The following RIDA variants were observed in gnomAD, a reference collection of about 807,000 sequenced individuals.
RIDA encodes reactive intermediate imine deaminase A.
A neutral mutation model predicts 17.8 loss-of-function variants in RIDA; 17 were observed. The ratio of observed to expected loss-of-function variants is 0.96; its 90% confidence interval spans 0.65 to 1.43. The LOEUF is 1.43. Among genes scored for constraint, RIDA ranks in the 40% most tolerant of loss-of-function variants. RIDA has a pLI of 0.00. For synonymous variants in RIDA, 48 were observed against 55.7 expected, an observed-to-expected ratio of 0.86 and a Z score of 0.62; for missense variants, 158 against 161.7, an observed-to-expected ratio of 0.98 and a Z score of 0.12.
At chr8:98,108,558 A>C in intron 2 of RIDA, 88 bp downstream of exon 2, 6 of 838,936 alleles carry the variant, frequency 7.2e-6, no homozygotes, top group Non-Finnish European at 1.2e-5. Flanking sequence ...TAATCTCTAT[A>C]AAACAAATCA....
In RIDA at chr8:98,102,888, A is replaced by G; in HGVS notation, c.368T>C (p.Ile123Thr). Residue 123 changes from isoleucine (I) to threonine (T), a missense_variant, in exon 6 of 6, where the codon ATT becomes ACT. Physicochemically the swap from Ile to Thr is moderately conservative, Grantham distance 89 (BLOSUM62 -1). Coordinates refer to ENST00000254878, the MANE Select transcript of RIDA (RefSeq NM_005836.3). Reference sequence around the variant, plus strand: ...TGGTCCTTGGATAGCTACTGCTTCAATTTCAATTCGGCTGCCCTGTGAGGA... The same window carrying G: ...TGGTCCTTGGATAGCTACTGCTTCAGTTTCAATTCGGCTGCCCTGTGAGGA... ...AALPKGSRIE[I>T]EAVAIQGPLT... 1 of 1,613,344 alleles carries G rather than the reference A, an allele frequency of 6.2e-7. No homozygotes were observed.
In RIDA at chr8:98,116,538, C is replaced by T. The variant is rs76132027; in HGVS notation, c.65+494G>A. Among the ~76,000 whole-genome samples the T allele has an allele frequency of 3.2e-3, 487 of 152,078 alleles. 19 individuals carry two copies. The East Asian group carries it at 0.075, about 23-fold the overall frequency. ...GAAGATGCAAGTAGATTGTCAGGGGCCGGGGGAGAGGAGAATGGGGAGTGA... is the reference window on the plus strand; with the variant it reads ...GAAGATGCAAGTAGATTGTCAGGGGTCGGGGGAGAGGAGAATGGGGAGTGA... On this transcript the variant is annotated intron_variant, in intron 1 of 5. Coordinates refer to ENST00000254878, the MANE Select transcript of RIDA (RefSeq NM_005836.3).
chr8:98,111,026 A>G (rs903518913), intron 1 of RIDA, among the ~76,000 whole-genome samples: 7 of 152,212 alleles, frequency 4.6e-5, no homozygotes, highest in African/African-American at 1.7e-4. Context: ...GAGTCAATTA[A>G]GCCTCTTTAT....
intron 1 of RIDA, among the ~76,000 whole-genome samples, chr8:98,109,026 C>A (rs1201335243): frequency 1.3e-5 from 2 of 151,976 alleles, no homozygotes; most frequent in Non-Finnish European, 1.5e-5. Context: ...CACTCAGTCT[C>A]TACAAAAAAC....
intron 1 of RIDA, among the ~76,000 whole-genome samples, chr8:98,109,751 A>G (rs1484039921): frequency 2.0e-5 from 3 of 152,130 alleles, no homozygotes; most frequent in Non-Finnish European, 4.4e-5. Flanking sequence ...GTGCACCACC[A>G]TGCCTGGCTA....
chr8:98,115,541 G>A (rs1464905720), intron 1 of RIDA, among the ~76,000 whole-genome samples: 1 of 146,222 alleles, frequency 6.8e-6, no homozygotes, highest in Non-Finnish European at 1.5e-5. Context: ...TCACTTGAAA[G>A]TTTTTAATTA....
chr8:98,104,667 G>A, intron 4 of RIDA, 123 bp from the exon 5 acceptor site: 1 of 644,752 alleles, frequency 1.6e-6, no homozygotes, highest in South Asian at 1.8e-5. Flanking sequence ...TTAATAATCT[G>A]GCAAATATTT....
At chr8:98,113,147 T>A (rs1349558095) in intron 1 of RIDA, among the ~76,000 whole-genome samples, 1 of 152,214 alleles carries the variant, frequency 6.6e-6, no homozygotes, top group Non-Finnish European at 1.5e-5. Flanking sequence ...TTCAAAAATT[T>A]ATAATTATGA....
intron 1 of RIDA, among the ~76,000 whole-genome samples, chr8:98,109,270 C>A (rs191175423): frequency 5.7e-4 from 86 of 152,036 alleles, no homozygotes; most frequent in African/African-American, 2.0e-3. Context: ...AAAACATATA[C>A]CTAATAAAGT....
chr8:98,115,245 G>A (rs551153065), intron 1 of RIDA, among the ~76,000 whole-genome samples: 19 of 151,834 alleles, frequency 1.3e-4, no homozygotes, highest in African/African-American at 4.1e-4. Context: ...AAAATTAGCC[G>A]GGTGTGGTGG....
intron 1 of RIDA, among the ~76,000 whole-genome samples, chr8:98,114,511 T>A (rs2447505): frequency 0.45 from 67,324 of 149,182 alleles, 15,443 homozygotes; most frequent in South Asian, 0.51. Context: ...TTTTTTGGTA[T>A]TTTTAGTAGA....
intron 4 of RIDA, among the ~76,000 whole-genome samples, chr8:98,105,025 A>T (rs949587099): frequency 2.0e-5 from 3 of 150,950 alleles, no homozygotes; most frequent in African/African-American, 7.3e-5. Flanking sequence ...GCAACATTTT[A>T]AAAAAGAGGC....
At chr8:98,111,806 G>T (rs1303252550) in intron 1 of RIDA, among the ~76,000 whole-genome samples, 2 of 149,920 alleles carry the variant, frequency 1.3e-5, no homozygotes, top group Non-Finnish European at 3.0e-5. Flanking sequence ...ATTTATTTTT[G>T]AATAGGAGTT....
In RIDA at chr8:98,105,936, A is replaced by G. The variant is rs202163836; in HGVS notation, c.295+2T>C. On this transcript the variant is annotated splice_donor_variant, in intron 4 of 5. Transcript: ENST00000254878. LOFTEE classifies it high-confidence loss of function. ...AAATAGGAATAAAGCCAAATTACTT[A>G]CACTGTTTGTAGATTTCATTGACAG... is the stretch of plus-strand genomic sequence containing the variant. The G allele has an allele frequency of 6.9e-6, 11 of 1,587,490 alleles. No homozygotes were observed. The highest frequency in any genetic ancestry group is 9.5e-6 in the Non-Finnish European group (11 of 1,156,538).
intron 2 of RIDA, among the ~76,000 whole-genome samples, chr8:98,106,987 C>T (rs1815642532): frequency 6.6e-6 from 1 of 152,188 alleles, no homozygotes; most frequent in Non-Finnish European, 1.5e-5. Flanking sequence ...CCAAGTTTCC[C>T]TCCTCAGAGG....
intron 2 of RIDA, chr8:98,106,736 T>G (rs1815636562): frequency 6.4e-6 from 1 of 156,794 alleles, no homozygotes; most frequent in Admixed American, 6.3e-5. Context: ...AAAAAAACAA[T>G]ATTAGTAAAT....
At chr8:98,109,229 G>A (rs1815683314) in intron 1 of RIDA, among the ~76,000 whole-genome samples, 1 of 152,072 alleles carries the variant, frequency 6.6e-6, no homozygotes, top group South Asian at 2.1e-4. Flanking sequence ...GGAAGAAAAG[G>A]CAAGTCATAG....
At chr8:98,114,123 G>C (rs148646858) in intron 1 of RIDA, among the ~76,000 whole-genome samples, 207 of 152,158 alleles carry the variant, frequency 1.4e-3, no homozygotes, top group African/African-American at 4.7e-3. Flanking sequence ...GAGCCCGGGA[G>C]GTTGAGGCGA....
Position 98,115,671 on chromosome 8 carries a change from G to A in RIDA, c.65+1361C>T, listed in dbSNP as rs1307903331. On this transcript the variant is annotated intron_variant, in intron 1 of 5. Transcript: ENST00000254878. The stretch of plus-strand genomic sequence containing the variant: ...CTCCCACAGTGCTGGGATTACAGGC[G>A]TGAACCACAGTACCCGGCTAAAGAA... Among the ~76,000 whole-genome samples the A allele has an allele frequency of 2.6e-5, 4 of 151,882 alleles. No homozygotes were observed. The East Asian group carries it at 7.7e-4, about 29-fold the overall frequency.
Sources: allele counts gnomAD v4.1 joint callset (sites outside exome capture counted in the v4.1 genomes callset), GRCh38; gene constraint gnomAD v4.1.1; transcripts MANE v1.5; gene names NCBI Gene and HGNC (gene_info 2026-07-23, HGNC 2026-07-21).